The following SYNRG variants were observed in gnomAD, a reference collection of about 807,000 sequenced individuals.
The protein encoded by SYNRG is synergin gamma.
In SYNRG, 37 loss-of-function variants were observed where a neutral mutation model predicts 130.9. The ratio of observed to expected loss-of-function variants is 0.28; its 90% CI spans 0.22 to 0.37. SYNRG has a LOEUF of 0.37. Among genes scored for constraint, SYNRG ranks in the 10% least tolerant of loss-of-function variants. The probability of loss-of-function intolerance (pLI) is 1.00; values close to 1 mark genes in which losing one functional copy is unlikely to be tolerated. For synonymous variants in SYNRG, 539 were observed against 568.1 expected, an observed-to-expected ratio of 0.95 and a Z score of 0.73; for missense variants, 1,338 against 1,588.9, an observed-to-expected ratio of 0.84 and a Z score of 2.68.
At chr17:37,533,594 T>A (rs566842875) in intron 19 of SYNRG, among the ~76,000 whole-genome samples, 2 of 148,868 alleles carry the variant, frequency 1.3e-5, no homozygotes, top group Non-Finnish European at 3.0e-5. Context: ...TTTTCTTTTT[T>A]TTTTTTTTTT....
At chr17:37,603,309 G>A (rs1459924235) in intron 1 of SYNRG, among the ~76,000 whole-genome samples, 4 of 152,120 alleles carry the variant, frequency 2.6e-5, no homozygotes, top group South Asian at 2.1e-4. Context: ...TTTGAGACCA[G>A]CCTGGGCAAC....
At chr17:37,562,303 C>T (rs1186776537) in intron 11 of SYNRG, among the ~76,000 whole-genome samples, 1 of 152,202 alleles carries the variant, frequency 6.6e-6, no homozygotes, top group Non-Finnish European at 1.5e-5. Context: ...GGACATATTT[C>T]GTGCTGGATG....
At chr17:37,591,615 T>TAGAAC (rs1201776641) in intron 3 of SYNRG, among the ~76,000 whole-genome samples, 1 of 152,114 alleles carries the variant, frequency 6.6e-6, no homozygotes, top group African/African-American at 2.4e-5. Flanking sequence ...CATAAAACAA[T>TAGAAC]AGAACAGAAC....
At chr17:37,600,440 T>C in intron 1 of SYNRG, 37 bp from the exon 2 acceptor site, 8 of 1,598,338 alleles carry the variant, frequency 5.0e-6, no homozygotes, top group Non-Finnish European at 6.9e-6. Flanking sequence ...AATCTTCGTA[T>C]GTACAAAGAT....
chr17:37,593,328 G>A (rs1442449150), intron 3 of SYNRG, among the ~76,000 whole-genome samples: 5 of 152,016 alleles, frequency 3.3e-5, no homozygotes, highest in South Asian at 4.1e-4. Flanking sequence ...CAGGAGAATC[G>A]CTTGAACCCA....
chr17:37,583,249 C>CA (rs1243007954), intron 6 of SYNRG, among the ~76,000 whole-genome samples: 18 of 152,254 alleles, frequency 1.2e-4, no homozygotes, highest in Admixed American at 5.2e-4. Flanking sequence ...TCCTAACCTC[C>CA]AGCCTAGGTC....
intron 9 of SYNRG, 41 bp from the exon 10 acceptor site, chr17:37,570,926 C>A (rs759865040): frequency 6.3e-7 from 1 of 1,575,390 alleles, no homozygotes; most frequent in Non-Finnish European, 8.6e-7. Context: ...GGATTGTAAA[C>A]CACATACGGT....
intron 11 of SYNRG, chr17:37,567,385 A>G (rs1169056297): frequency 6.6e-6 from 1 of 152,220 alleles, no homozygotes; most frequent in Non-Finnish European, 1.5e-5. Context: ...TGTGGCTTTG[A>G]GTAGGAAAAC....
At chr17:37,565,706 G>C (rs1000794431) in intron 11 of SYNRG, among the ~76,000 whole-genome samples, 1 of 150,752 alleles carries the variant, frequency 6.6e-6, no homozygotes, top group East Asian at 2.0e-4. Context: ...GCCCCATCTG[G>C]GATGTGAGGA....
intron 10 of SYNRG, among the ~76,000 whole-genome samples, chr17:37,570,143 CTTTTT>C (rs11320959): frequency 3.5e-5 from 4 of 113,830 alleles, no homozygotes; most frequent in African/African-American, 9.7e-5. Flanking sequence ...CATGCTGAGG[CTTTTT>C]TTTTTTTTTT....
At chr17:37,609,209 CA>C (rs1425871658) in intron 1 of SYNRG, 69 bp downstream of exon 1, 48 of 1,360,438 alleles carry the variant, frequency 3.5e-5, no homozygotes, top group Non-Finnish European at 4.4e-5. Context: ...AGAAAACTGC[CA>C]TAACTGCCAA....
intron 1 of SYNRG, among the ~76,000 whole-genome samples, chr17:37,607,060 C>T (rs1300979845): frequency 2.6e-5 from 4 of 152,316 alleles, no homozygotes; most frequent in African/African-American, 7.2e-5. Context: ...TACAGCTTCT[C>T]AGCCTCAGAA....
chr17:37,563,847 C>CA (rs2059723554), intron 11 of SYNRG, among the ~76,000 whole-genome samples: 1 of 143,854 alleles, frequency 7.0e-6, no homozygotes, highest in Non-Finnish European at 1.5e-5. Flanking sequence ...TCCCCGCCAG[C>CA]TTTTTTTTTT....
intron 19 of SYNRG, among the ~76,000 whole-genome samples, chr17:37,533,958 A>T (rs2056937434): frequency 1.0e-5 from 1 of 95,844 alleles, no homozygotes; most frequent in Non-Finnish European, 2.0e-5. Context: ...TTTTTGAGAC[A>T]GAGTCTTGCT....
chr17:37,520,452 C>T, intron 20 of SYNRG, 86 bp downstream of exon 20: 2 of 1,330,936 alleles, frequency 1.5e-6, no homozygotes, highest in Non-Finnish European at 2.2e-6. Flanking sequence ...TGGTCACAAA[C>T]TCTGCAGTAA....
At chr17:37,521,028 CT>C (rs1485496635) in intron 19 of SYNRG, among the ~76,000 whole-genome samples, 1 of 124,610 alleles carries the variant, frequency 8.0e-6, no homozygotes, top group African/African-American at 3.2e-5. Context: ...AGAACTTTTT[CT>C]TTTCTTTTTT....
Position 37,542,286 on chromosome 17 carries a change from G to A in SYNRG, c.2888C>T (p.Ala963Val), listed in dbSNP as rs763168039. The A allele has an allele frequency of 3.1e-6, 5 of 1,614,212 alleles. No individual in the cohort carries two copies. Among genetic ancestry groups the A allele is most frequent in the Non-Finnish European group, 4.2e-6 (5 of 1,180,042 alleles). ...EDALPETTFP[A>V]LASFKDTIPQ... ...AATCGTGTCTTTAAAACTGGCAAGA[G>A]CTGGGAAGGTGGTCTCTGGAAGAGC... Residue 963 changes from alanine (A) to valine (V), a missense_variant, in exon 15 of 22, where the codon GCT becomes GTT. This residue lies in a region of SYNRG where 1,146 missense variants were observed against 1,342.3 expected (regional missense o/e 0.85). Transcript: ENST00000612223.
chr17:37,525,023 A>G (rs181208195), intron 19 of SYNRG, among the ~76,000 whole-genome samples: 122 of 152,360 alleles, frequency 8.0e-4, no homozygotes, highest in Non-Finnish European at 1.0e-3. Context: ...GTAATCGCCA[A>G]TGAAAACCAT....
chr17:37,540,562 A>G lies in SYNRG; in HGVS notation c.3203-19T>C. 6.2e-7 allele frequency: 1 copy of G among 1,612,158 alleles called. No individual in the cohort carries two copies. Among genetic ancestry groups the G allele is most frequent in the Non-Finnish European group, 8.5e-7 (1 of 1,179,326 alleles). ...TGTGATCCTGGGAGAAGGGGATAATACAGTCAAAGGTTTTGGCTACTCACC... is the reference window on the plus strand; with the variant it reads ...TGTGATCCTGGGAGAAGGGGATAATGCAGTCAAAGGTTTTGGCTACTCACC... On this transcript the variant is annotated intron_variant, in intron 15 of 21. Transcript: ENST00000612223.
Sources: gnomAD v4.1 joint callset for allele counts (sites outside exome capture counted in the v4.1 genomes callset) on GRCh38, gnomAD v4.1.1 for gene constraint, gnomAD v4.1.1 regional missense constraint, MANE v1.5 for transcripts, NCBI Gene and HGNC (gene_info 2026-07-23, HGNC 2026-07-21) for gene names.